KCNJ6: variants seen among roughly 807,000 people sequenced by gnomAD.
KCNJ6 encodes potassium inwardly rectifying channel subfamily J member 6, also known as G protein-activated inward rectifier potassium channel 2.
In KCNJ6, 9 loss-of-function variants were observed where a neutral mutation model predicts 34.2. That is an observed-to-expected ratio of 0.26 (90% CI 0.16 to 0.46). The LOEUF is 0.46. Among genes scored for constraint, KCNJ6 ranks in the 20% least tolerant of loss-of-function variants. The pLI, the probability that KCNJ6 is intolerant of heterozygous loss-of-function variation, is 1.00. For synonymous variants in KCNJ6, 196 were observed against 207.1 expected, an observed-to-expected ratio of 0.95 and a Z score of 0.46; for missense variants, 236 against 531.3, an observed-to-expected ratio of 0.44 and a Z score of 5.46.
chr21:37,792,015 T>A (rs553174331), intron 2 of KCNJ6, among the ~76,000 whole-genome samples: 1 of 152,372 alleles, frequency 6.6e-6, no homozygotes, highest in African/African-American at 2.4e-5. Context: ...GCAGGGTTTT[T>A]AAATTGATAT....
intron 2 of KCNJ6, among the ~76,000 whole-genome samples, chr21:37,720,553 G>A (rs985479236): frequency 6.6e-6 from 1 of 152,206 alleles, no homozygotes; most frequent in African/African-American, 2.4e-5. Flanking sequence ...GTCACAGTGA[G>A]CTAAGGAGAA....
intron 3 of KCNJ6, among the ~76,000 whole-genome samples, chr21:37,672,327 T>G (rs2054545814): frequency 6.6e-6 from 1 of 151,864 alleles, no homozygotes; most frequent in Non-Finnish European, 1.5e-5. Context: ...TGTGAGAAGT[T>G]GGGGCCTGAA....
intron 1 of KCNJ6, among the ~76,000 whole-genome samples, chr21:37,883,492 G>A (rs2055720205): frequency 6.6e-6 from 1 of 152,166 alleles, no homozygotes; most frequent in Non-Finnish European, 1.5e-5. Flanking sequence ...TGGGGAGCTT[G>A]TCATCTGATG....
rs2055062451 is a variant in KCNJ6, at chr21:37,761,417, GTGTGTGTGTTGTGTTGTGTGTGTATATT to G, written c.26-46314_26-46287del. 2.7e-5 allele frequency among the ~76,000 whole-genome samples: 4 copies of G among 150,734 alleles called. No homozygotes were observed. In the South Asian group the frequency reaches 8.4e-4, roughly 32 times the overall value. ...GTGTGTGTGTATATTTGTGTATGTGGTGTGTGTGTTGTGTTGTGTGTGTATATTTGTGTGTGTTGTGTGTATGTAGTTT... is the reference window on the plus strand; with the variant it reads ...GTGTGTGTGTATATTTGTGTATGTGGTGTGTGTGTTGTGTGTATGTAGTTT... On this transcript the variant is annotated intron_variant, in intron 2 of 3. Coordinates refer to ENST00000609713, the MANE Select transcript of KCNJ6 (RefSeq NM_002240.5).
intron 1 of KCNJ6, among the ~76,000 whole-genome samples, chr21:37,896,615 C>T (rs2055789598): frequency 6.6e-6 from 1 of 152,152 alleles, no homozygotes. Flanking sequence ...ACTGTGTTAC[C>T]ACTAGGAGGG....
intron 1 of KCNJ6, among the ~76,000 whole-genome samples, chr21:37,865,355 T>C (rs761197343): frequency 6.6e-6 from 1 of 152,240 alleles, no homozygotes; most frequent in African/African-American, 2.4e-5. Context: ...TATTTTCAGA[T>C]AACCGTATAT....
chr21:37,633,723 A>C (rs548913213), intron 3 of KCNJ6, among the ~76,000 whole-genome samples: 1 of 152,206 alleles, frequency 6.6e-6, no homozygotes, highest in Non-Finnish European at 1.5e-5. Flanking sequence ...AACAAAAAAA[A>C]CCCTAGAAAT....
At chr21:37,758,431 G>C (rs1352816514) in intron 2 of KCNJ6, among the ~76,000 whole-genome samples, 1 of 152,158 alleles carries the variant, frequency 6.6e-6, no homozygotes, top group Non-Finnish European at 1.5e-5. Context: ...GTGGTAAGCT[G>C]GTAAACCAAG....
intron 2 of KCNJ6, among the ~76,000 whole-genome samples, chr21:37,762,456 G>A (rs2123496574): frequency 1.3e-5 from 2 of 152,320 alleles, no homozygotes; most frequent in South Asian, 4.1e-4. Context: ...CAAGGCTGAT[G>A]GGCTGGCTGG....
chr21:37,762,043 G>A (rs531628745), intron 2 of KCNJ6, among the ~76,000 whole-genome samples: 1 of 152,282 alleles, frequency 6.6e-6, no homozygotes, highest in East Asian at 1.9e-4. Context: ...AGCTCCAGAA[G>A]GACAGGGGTG....
chr21:37,841,661 T>C (rs1158705572), intron 1 of KCNJ6, among the ~76,000 whole-genome samples: 2 of 152,238 alleles, frequency 1.3e-5, no homozygotes, highest in Non-Finnish European at 1.5e-5. Flanking sequence ...TAGAGATAAA[T>C]ATGTCATATA....
At chr21:37,666,263 A>G (rs553145839) in intron 3 of KCNJ6, among the ~76,000 whole-genome samples, 1 of 152,250 alleles carries the variant, frequency 6.6e-6, no homozygotes, top group East Asian at 1.9e-4. Context: ...CTTCCTGTTG[A>G]GTAGGACCAA....
chr21:37,635,783 T>G (rs1031979033), intron 3 of KCNJ6, among the ~76,000 whole-genome samples: 1 of 151,996 alleles, frequency 6.6e-6, no homozygotes, highest in Non-Finnish European at 1.5e-5. Context: ...TCCCAAAGTG[T>G]TGGGATTACA....
chr21:37,875,490 G>A (rs1474629630), intron 1 of KCNJ6, among the ~76,000 whole-genome samples: 1 of 152,150 alleles, frequency 6.6e-6, no homozygotes, highest in Non-Finnish European at 1.5e-5. Flanking sequence ...ATCTTCCTGG[G>A]GGCCAGGTCA....
intron 2 of KCNJ6, 106 bp from the exon 3 acceptor site, chr21:37,715,237 T>G: frequency 1.0e-6 from 1 of 975,512 alleles, no homozygotes; most frequent in Non-Finnish European, 1.5e-6. Flanking sequence ...ATACCATTTG[T>G]GTAGCTATAA....
chr21:37,820,438 G>A (rs1236220523), intron 2 of KCNJ6, among the ~76,000 whole-genome samples: 1 of 152,170 alleles, frequency 6.6e-6, no homozygotes, highest in African/African-American at 2.4e-5. Flanking sequence ...TCACAGATTA[G>A]GGACTCTGTC....
At chr21:37,847,077 T>C (rs11908866) in intron 1 of KCNJ6, among the ~76,000 whole-genome samples, 40,847 of 152,124 alleles carry the variant, frequency 0.27, 6,629 homozygotes, top group South Asian at 0.39. Context: ...TTTTGCCTAA[T>C]GAAAAACAAA....
intron 3 of KCNJ6, among the ~76,000 whole-genome samples, chr21:37,674,668 C>T (rs560591088): frequency 8.6e-5 from 13 of 151,644 alleles, no homozygotes; most frequent in Non-Finnish European, 1.2e-4. Flanking sequence ...AGTATTAGCT[C>T]TGCAGGGACA....
At chr21:37,700,301 G>T (rs1189288607) in intron 3 of KCNJ6, among the ~76,000 whole-genome samples, 2 of 152,160 alleles carry the variant, frequency 1.3e-5, no homozygotes, top group Non-Finnish European at 2.9e-5. Flanking sequence ...AATGGAAAAG[G>T]GTATCCTAGG....
Sources: allele counts gnomAD v4.1 joint callset (sites outside exome capture counted in the v4.1 genomes callset), GRCh38; gene constraint gnomAD v4.1.1; transcripts MANE v1.5; gene names NCBI Gene and HGNC (gene_info 2026-07-23, HGNC 2026-07-21).